HTR3B: variants seen among roughly 807,000 people sequenced by gnomAD.
The protein encoded by HTR3B is 5-hydroxytryptamine (serotonin) receptor 3B, ionotropic.
A neutral mutation model predicts 42.8 loss-of-function variants in HTR3B; 44 were observed. The ratio of observed to expected loss-of-function variants is 1.03; its 90% CI spans 0.81 to 1.32. HTR3B has a LOEUF of 1.32. HTR3B is among the 40% of genes most tolerant of loss of function. The pLI is 0.00. For synonymous variants in HTR3B, 203 were observed against 209.0 expected (o/e 0.97, Z 0.25); for missense variants, 527 against 536.5 (o/e 0.98, Z 0.17).
At chr11:113,902,764 A>G (rs565767299), upstream of HTR3B, among the ~76,000 whole-genome samples, 4 of 152,248 alleles carry the variant, frequency 2.6e-5, no homozygotes, top group Admixed American at 6.5e-5. Context: ...AATGTTCTTT[A>G]TAACAAAAGG....
At chr11:113,931,907 C>T (rs753681351) in intron 4 of HTR3B, 40 bp downstream of exon 4, 3 of 1,183,180 alleles carry the variant, frequency 2.5e-6, no homozygotes, top group Admixed American at 1.7e-5. Flanking sequence ...GTTTAGACTG[C>T]TTGGTATAGT....
intron 2 of HTR3B, among the ~76,000 whole-genome samples, chr11:113,925,471 T>C (rs974607847): frequency 7.0e-6 from 1 of 142,598 alleles, no homozygotes. Flanking sequence ...TCACCCAGAC[T>C]GGAGTGCAGT....
intron 7 of HTR3B, 93 bp from the exon 8 acceptor site, chr11:113,944,480 A>G: frequency 8.3e-7 from 1 of 1,211,370 alleles, no homozygotes; most frequent in Non-Finnish European, 1.2e-6. Flanking sequence ...CAGCTTGGGC[A>G]ATAGAGCAAG....
chr11:113,938,852 G>A (rs1166010597), intron 6 of HTR3B, among the ~76,000 whole-genome samples: 1 of 152,036 alleles, frequency 6.6e-6, no homozygotes, highest in Non-Finnish European at 1.5e-5. Flanking sequence ...AAAATTAGCT[G>A]GGCGTGGTGG....
chr11:113,920,882 G>A (rs375681710), intron 2 of HTR3B, among the ~76,000 whole-genome samples: 11 of 151,652 alleles, frequency 7.3e-5, no homozygotes, highest in African/African-American at 2.4e-4. Context: ...GTGCAATCTC[G>A]GCTCACTGCA....
chr11:113,906,154 C>A (rs1413953392), intron 1 of HTR3B, among the ~76,000 whole-genome samples: 17 of 152,172 alleles, frequency 1.1e-4, no homozygotes, highest in Non-Finnish European at 2.9e-5. Context: ...TGTCTGATAA[C>A]CAGTGCTTTA....
At chr11:113,923,732 G>C (rs1038714743) in intron 2 of HTR3B, among the ~76,000 whole-genome samples, 1 of 152,166 alleles carries the variant, frequency 6.6e-6, no homozygotes, top group Admixed American at 6.6e-5. Context: ...GAGATACACA[G>C]AGGGAAAAGC....
chr11:113,934,097 C>G (rs1950065492), intron 6 of HTR3B, among the ~76,000 whole-genome samples: 1 of 152,156 alleles, frequency 6.6e-6, no homozygotes, highest in Non-Finnish European at 1.5e-5. Flanking sequence ...AAGAAATAAA[C>G]TATCATTCGC....
intron 5 of HTR3B, 46 bp from the exon 6 acceptor site, chr11:113,932,890 G>T: frequency 6.3e-7 from 1 of 1,589,736 alleles, no homozygotes; most frequent in Non-Finnish European, 8.6e-7. Context: ...GTGGATGTTG[G>T]CATCTCTTTC....
intron 2 of HTR3B, among the ~76,000 whole-genome samples, chr11:113,927,164 G>T (rs1949983748): frequency 6.6e-6 from 1 of 152,104 alleles, no homozygotes; most frequent in African/African-American, 2.4e-5. Context: ...TAAGCATACA[G>T]TTCAGTGGCA....
At chr11:113,907,905 C>G (rs1368376820) in intron 1 of HTR3B, among the ~76,000 whole-genome samples, 1 of 152,198 alleles carries the variant, frequency 6.6e-6, no homozygotes, top group Non-Finnish European at 1.5e-5. Context: ...CTCCTGACTT[C>G]CCTCCCCTGG....
chr11:113,906,065 T>C (rs1949730825), intron 1 of HTR3B, among the ~76,000 whole-genome samples: 2 of 152,190 alleles, frequency 1.3e-5, no homozygotes, highest in African/African-American at 2.4e-5. Flanking sequence ...ACAGACTAAG[T>C]TCTTAACAAT....
chr11:113,922,266 G>A (rs1949923644), intron 2 of HTR3B, among the ~76,000 whole-genome samples: 1 of 151,172 alleles, frequency 6.6e-6, no homozygotes, highest in African/African-American at 2.4e-5. Flanking sequence ...TTGAGATAGG[G>A]TCTCACTCTA....
At position 113,946,110 on chromosome 11, in the gene HTR3B, C is replaced by T. The variant is rs769721873; in HGVS notation, c.1299C>T (p.Ser433=). The change falls in exon 9 of 9, where the codon TCC becomes TCT. Residue 433 remains serine (S), a synonymous_variant. Transcript: ENST00000260191. ...MLGIYTITLC[S]LWALWGGV is the part of the protein sequence containing the mutation. The stretch of plus-strand genomic sequence containing the variant: ...GGATCTACACCATCACTCTGTGCTC[C>T]CTCTGGGCACTGTGGGGCGGCGTGT... 6 of 1,613,778 alleles carry T rather than the reference C, an allele frequency of 3.7e-6. No individual in the cohort carries two copies. The South Asian group carries it at 4.4e-5, about 12-fold the overall frequency.
chr11:113,905,664 C>A (rs145112052), intron 1 of HTR3B, among the ~76,000 whole-genome samples: 11 of 152,208 alleles, frequency 7.2e-5, no homozygotes, highest in Non-Finnish European at 1.2e-4. Context: ...AGTTAGGATA[C>A]AATTGATTCT....
chr11:113,914,823 A>G (rs2137495232), intron 2 of HTR3B, among the ~76,000 whole-genome samples: 1 of 152,280 alleles, frequency 6.6e-6, no homozygotes, highest in African/African-American at 2.4e-5. Flanking sequence ...TATAATGTGA[A>G]TATTTTTTCT....
At chr11:113,930,777 C>G (rs1591581033) in intron 2 of HTR3B, among the ~76,000 whole-genome samples, 1 of 152,274 alleles carries the variant, frequency 6.6e-6, no homozygotes, top group East Asian at 1.9e-4. Flanking sequence ...GGACGAACCA[C>G]TGTGCCCAGC....
At chr11:113,935,134 C>T (rs1005350796) in intron 6 of HTR3B, among the ~76,000 whole-genome samples, 5 of 125,354 alleles carry the variant, frequency 4.0e-5, no homozygotes, top group African/African-American at 7.9e-5. Flanking sequence ...AATGTTAATT[C>T]GTCAACAGCA....
chr11:113,932,522 A>G (rs141855240), intron 5 of HTR3B, 64 bp downstream of exon 5: 7 of 1,252,496 alleles, frequency 5.6e-6, no homozygotes, highest in Non-Finnish European at 6.8e-6. Flanking sequence ...ATATTATACT[A>G]TCCTTCAGGT....
Sources: gnomAD v4.1 joint callset for allele counts (sites outside exome capture counted in the v4.1 genomes callset) on GRCh38, gnomAD v4.1.1 for gene constraint, MANE v1.5 for transcripts, NCBI Gene and HGNC (gene_info 2026-07-23, HGNC 2026-07-21) for gene names.